Variants in AAR2 observed in about 807,000 individuals in gnomAD.
AAR2 encodes the protein AAR2 splicing factor.
In AAR2, 31 loss-of-function variants were observed where a neutral mutation model predicts 26.9. The ratio of observed to expected loss-of-function variants is 1.15; its 90% CI spans 0.86 to 1.55. The LOEUF is 1.55. AAR2 is among the 40% of genes most tolerant of loss of function. The pLI is 0.00. For synonymous variants in AAR2, 188 were observed against 196.1 expected (o/e 0.96, Z 0.34); for missense variants, 430 against 491.3 (o/e 0.88, Z 1.18).
At chr20:36,247,571 T>C (rs1206773680) in intron 3 of AAR2, among the ~76,000 whole-genome samples, 1 of 151,248 alleles carries the variant, frequency 6.6e-6, no homozygotes, top group Non-Finnish European at 1.5e-5. Flanking sequence ...AAAAAAAAAA[T>C]TGTTGTAAAA....
chr20:36,245,005 T>A lies in AAR2; in HGVS notation c.987+79T>A, dbSNP rs1469365382. 2.9e-6 allele frequency: 4 copies of A among 1,359,104 alleles called. No homozygotes were observed. The African/African-American group carries it at 5.7e-5, about 20-fold the overall frequency. The allele number at this position is 1,359,104 out of a possible 1,614,324, so 84.2% of individuals were successfully genotyped here. On this transcript the variant is annotated intron_variant, in intron 3 of 3. Transcript: ENST00000320849. The stretch of plus-strand genomic sequence containing the variant: ...CAGTATGTGTTTTGTTTCTCGCTAT[T>A]CTTCCATGACCCCAAAATTTTTAAA...
intron 2 of AAR2, among the ~76,000 whole-genome samples, 174 bp from the exon 3 acceptor site, chr20:36,244,523 C>G (rs1351405049): frequency 6.6e-6 from 1 of 152,198 alleles, no homozygotes; most frequent in African/African-American, 2.4e-5. Context: ...CAGCAGACAT[C>G]TATTGAGTAC....
At chr20:36,247,102 A>G (rs1039187859) in intron 3 of AAR2, among the ~76,000 whole-genome samples, 9 of 152,222 alleles carry the variant, frequency 5.9e-5, no homozygotes, top group African/African-American at 1.9e-4. Context: ...GTAATTTGAG[A>G]AAGTTAACAG....
intron 3 of AAR2, among the ~76,000 whole-genome samples, chr20:36,254,892 T>C (rs181230158): frequency 4.6e-5 from 7 of 152,254 alleles, no homozygotes; most frequent in Non-Finnish European, 7.4e-5. Flanking sequence ...TAGCCTACAG[T>C]TGTGCAAAAT....
intron 3 of AAR2, among the ~76,000 whole-genome samples, chr20:36,254,571 T>C (rs1211783202): frequency 6.6e-6 from 1 of 152,078 alleles, no homozygotes; most frequent in Non-Finnish European, 1.5e-5. Context: ...CCGGGGATGA[T>C]GGGGTCATTC....
At chr20:36,238,694 T>G (rs374907465) in intron 1 of AAR2, among the ~76,000 whole-genome samples, 9 of 147,656 alleles carry the variant, frequency 6.1e-5, no homozygotes, top group East Asian at 4.0e-4. Context: ...AGGTGGACGA[T>G]GTAGTGAGCC....
At chr20:36,240,663 G>A (rs768964959) in intron 2 of AAR2, 38 bp downstream of exon 2, 1 of 1,590,134 alleles carries the variant, frequency 6.3e-7, no homozygotes, top group African/African-American at 1.3e-5. Context: ...TGGGCCAAGG[G>A]GAGGATATTA....
At chr20:36,249,170 C>T (rs987601889) in intron 3 of AAR2, among the ~76,000 whole-genome samples, 7 of 152,164 alleles carry the variant, frequency 4.6e-5, no homozygotes, top group Non-Finnish European at 8.8e-5. Context: ...TAATGGAATT[C>T]TCTTAGCCAT....
chr20:36,239,943 C>T lies in AAR2; in HGVS notation c.75C>T (p.Asn25=), dbSNP rs1470811852. ...AAGGGGCCACTGTGGTCATCCTGAA[C>T]ATGCCCAAGGGAACAGAGTTTGGGA... ...FFEGATVVIL[N]MPKGTEFGID... is the part of the protein sequence containing the mutation. Residue 25 remains asparagine, a synonymous_variant, in exon 2 of 4, where the codon AAC becomes AAT. Transcript: ENST00000320849. 3.7e-6 allele frequency: 6 copies of T among 1,614,036 alleles called. No individual in the cohort carries two copies. Among genetic ancestry groups the T allele is most frequent in the Admixed American group, 1.7e-5 (1 of 60,026 alleles).
intron 3 of AAR2, among the ~76,000 whole-genome samples, chr20:36,250,259 GA>G (rs1316517392): frequency 6.6e-6 from 1 of 152,190 alleles, no homozygotes; most frequent in Admixed American, 6.5e-5. Context: ...TGTGTTTGAA[GA>G]AAAACACCCA....
At chr20:36,245,885 TCATG>T (rs2064729824) in intron 3 of AAR2, among the ~76,000 whole-genome samples, 2 of 152,180 alleles carry the variant, frequency 1.3e-5, no homozygotes, top group South Asian at 4.2e-4. Context: ...CCAGGTATGG[TCATG>T]TGCACCTGTA....
rs2064716168 is a variant in AAR2, at chr20:36,244,695, A to G, written c.758-2A>G. The stretch of plus-strand genomic sequence containing the variant: ...ATCACTTCTCCTCTCTGCACCTTTC[A>G]GGTGAACTCCAGTTTGCTTTTGTGT... On this transcript the variant is annotated splice_acceptor_variant, in intron 2 of 3. Coordinates refer to ENST00000320849, the MANE Select transcript of AAR2 (RefSeq NM_001271874.2). LOFTEE classifies it high-confidence loss of function. 1.2e-6 allele frequency: 2 copies of G among 1,613,972 alleles called. No homozygotes were observed. Among genetic ancestry groups the G allele is most frequent in the South Asian group, 2.2e-5 (2 of 91,086 alleles).
chr20:36,250,042 G>A (rs952226812), intron 3 of AAR2, among the ~76,000 whole-genome samples: 1 of 152,106 alleles, frequency 6.6e-6, no homozygotes, highest in Non-Finnish European at 1.5e-5. Flanking sequence ...GAAAAAATTA[G>A]GAAATGTCAT....
At chr20:36,251,088 T>G (rs559698224) in intron 3 of AAR2, among the ~76,000 whole-genome samples, 1 of 151,942 alleles carries the variant, frequency 6.6e-6, no homozygotes, top group Non-Finnish European at 1.5e-5. Flanking sequence ...TCTCAACTAC[T>G]GAGGAGGCCT....
intron 3 of AAR2, among the ~76,000 whole-genome samples, chr20:36,245,626 C>T (rs778850107): frequency 2.0e-5 from 3 of 152,336 alleles, no homozygotes; most frequent in Non-Finnish European, 2.9e-5. Flanking sequence ...GAGCTTCTTT[C>T]TTCTCCCTGT....
chr20:36,255,451 G>A, intron 3 of AAR2, 127 bp from the exon 4 acceptor site: 1 of 1,085,032 alleles, frequency 9.2e-7, no homozygotes, highest in Non-Finnish European at 1.4e-6. Flanking sequence ...CAGGTGTCCT[G>A]GGCCTATGCC....
At position 36,240,196 on chromosome 20, in the gene AAR2, G is replaced by A; in HGVS notation, c.328G>A (p.Ala110Thr). The change falls in exon 2 of 4, where the codon GCC becomes ACC. Residue 110 changes from alanine to threonine, a missense_variant. Physicochemically the swap from Ala to Thr is moderately conservative, Grantham distance 58. Transcript: ENST00000320849. The stretch of plus-strand genomic sequence containing the variant: ...CCCAGCCCCAGAGTCTGAGGTGGAG[G>A]CCATGAGGGCCAACCTCCAGGAGCT... The part of the protein sequence containing the change: ...LSPAPESEVE[A>T]MRANLQELDQ... 6.2e-7 allele frequency: 1 copy of A among 1,614,212 alleles called. No homozygotes were observed. The highest frequency in any genetic ancestry group is 8.5e-7 in the Non-Finnish European group (1 of 1,180,026).
At position 36,243,794 on chromosome 20, in the gene AAR2, G is replaced by A. The variant is rs148342742; in HGVS notation, c.758-903G>A. Reference sequence around the variant, plus strand: ...ATCTTTGCTACAACCCTCAAATAAGGAAATTGAGGCCTTAATAGATTGAGT... The same window carrying A: ...ATCTTTGCTACAACCCTCAAATAAGAAAATTGAGGCCTTAATAGATTGAGT... On this transcript the variant is annotated intron_variant, in intron 2 of 3. Coordinates refer to ENST00000320849, the MANE Select transcript of AAR2 (RefSeq NM_001271874.2). 4.8e-3 allele frequency among the ~76,000 whole-genome samples: 727 copies of A among 152,262 alleles called. 4 individuals carry two copies. The highest frequency in any genetic ancestry group is 0.016 in the African/African-American group (681 of 41,540).
chr20:36,243,221 C>G (rs961424862), intron 2 of AAR2, among the ~76,000 whole-genome samples: 5 of 152,182 alleles, frequency 3.3e-5, no homozygotes, highest in African/African-American at 1.2e-4. Context: ...CAGAAATGCA[C>G]AAATTTAATA....
Sources: allele counts gnomAD v4.1 joint callset (sites outside exome capture counted in the v4.1 genomes callset), GRCh38; gene constraint gnomAD v4.1.1; transcripts MANE v1.5; gene names NCBI Gene and HGNC (gene_info 2026-07-23, HGNC 2026-07-21).